Variants in FAM227B observed in about 807,000 individuals in gnomAD.
The protein encoded by FAM227B is family with sequence similarity 227 member B, also known as protein FAM227B.
FAM227B carries 88 observed loss-of-function variants against 73.8 expected under a neutral mutation model. That is an observed-to-expected ratio of 1.19 (90% CI 1.00 to 1.42). The LOEUF (loss-of-function observed/expected upper bound fraction) is 1.42. Among genes scored for constraint, FAM227B ranks in the 40% most tolerant of loss-of-function variants. FAM227B has a pLI of 0.00. For missense variants in FAM227B, 632 were observed against 590.9 expected (o/e 1.07, Z -0.72); for synonymous variants, 210 against 190.5 (o/e 1.10, Z -0.84).
At chr15:49,337,482 CA>C (rs111328995) in intron 13 of FAM227B, among the ~76,000 whole-genome samples, 1 of 141,480 alleles carries the variant, frequency 7.1e-6, no homozygotes, top group East Asian at 2.1e-4. Context: ...TGGACACTTG[CA>C]ATGTCTGTTC....
intron 2 of FAM227B, among the ~76,000 whole-genome samples, chr15:49,612,668 T>C (rs975945010): frequency 2.0e-5 from 3 of 152,154 alleles, no homozygotes; most frequent in East Asian, 3.9e-4. Flanking sequence ...AAGTCTAATA[T>C]CCTAATATCC....
At chr15:49,557,870 T>A (rs2073873882) in intron 9 of FAM227B, among the ~76,000 whole-genome samples, 1 of 152,154 alleles carries the variant, frequency 6.6e-6, no homozygotes, top group Non-Finnish European at 1.5e-5. Flanking sequence ...CCCTGAGTAG[T>A]CCAGTGCCAT....
At chr15:49,549,321 A>G (rs1337547277) in intron 9 of FAM227B, among the ~76,000 whole-genome samples, 1 of 71,784 alleles carries the variant, frequency 1.4e-5, no homozygotes, top group Non-Finnish European at 3.1e-5. Context: ...TTGCATATGT[A>G]TTTTATTTAT....
At chr15:49,524,624 G>A (rs1292002365) in intron 10 of FAM227B, among the ~76,000 whole-genome samples, 1 of 152,180 alleles carries the variant, frequency 6.6e-6, no homozygotes. Context: ...CCCCAGAATG[G>A]TAGATCCACT....
At chr15:49,370,643 A>G (rs1294541233) in intron 12 of FAM227B, among the ~76,000 whole-genome samples, 1 of 152,220 alleles carries the variant, frequency 6.6e-6, no homozygotes, top group Non-Finnish European at 1.5e-5. Context: ...TTTTAAATAA[A>G]TTATCTTATC....
Position 49,460,553 on chromosome 15 carries a change from C to G in FAM227B, c.1012+47658G>C, listed in dbSNP as rs182448546. On this transcript the variant is annotated intron_variant, in intron 11 of 15. Transcript: ENST00000299338. ...TTTTGACATTTCTTCACAGTTCAGG[C>G]GATCATTACCAAATATTCGAGGTGG... 9.2e-5 allele frequency among the ~76,000 whole-genome samples: 14 copies of G among 152,188 alleles called. No individual in the cohort carries two copies. In the East Asian group the frequency reaches 2.7e-3, roughly 29 times the overall value.
chr15:49,577,649 C>A lies in FAM227B; in HGVS notation c.421G>T (p.Glu141Ter). 1 of 1,564,716 alleles carries A rather than the reference C, an allele frequency of 6.4e-7. No individual in the cohort carries two copies. The highest frequency in any genetic ancestry group is 8.7e-7 in the Non-Finnish European group (1 of 1,147,934). ...AGTACCTCTATATTCTTCTCTGTCT[C>A]CATTTCATCTGAAAGCTGGAAAACA... is the stretch of plus-strand genomic sequence containing the variant. Reference protein sequence around the residue: ...KKKIMLSDEMETEKNIEGCSF... With the variant: ...KKKIMLSDEM Residue 141 changes from glutamate to a stop codon, truncating the protein, a stop_gained, in exon 6 of 16, where the codon GAG becomes TAG. Coordinates refer to ENST00000299338, the MANE Select transcript of FAM227B (RefSeq NM_152647.3). LOFTEE classifies it high-confidence loss of function.
intron 11 of FAM227B, among the ~76,000 whole-genome samples, chr15:49,426,531 G>T (rs11635308): frequency 0.17 from 25,896 of 151,688 alleles, 2,461 homozygotes; most frequent in Non-Finnish European, 0.21. Context: ...TCTTCAACTG[G>T]AATACATTTG....
rs200158373 is a variant in FAM227B at position 49,383,854 on chromosome 15, CAT to C, written c.1013-12457_1013-12456del. Among the ~76,000 whole-genome samples the C allele has an allele frequency of 1.8e-3, 281 of 152,176 alleles. 1 individual carries two copies. Among genetic ancestry groups the C allele is most frequent in the African/African-American group, 6.3e-3 (262 of 41,556 alleles). On this transcript the variant is annotated intron_variant, in intron 11 of 15. Transcript: ENST00000299338. ...GATAATGTGCCAGGTTGTTGAGACT[CAT>C]AATCTCACGTGCTAATGATGGGCCA...
chr15:49,562,391 T>C (rs2074329866), intron 9 of FAM227B, among the ~76,000 whole-genome samples: 2 of 151,996 alleles, frequency 1.3e-5, no homozygotes, highest in South Asian at 2.1e-4. Context: ...AAGAACCCTG[T>C]ACCAGATGGA....
intron 10 of FAM227B, 118 bp from the exon 11 acceptor site, chr15:49,508,466 T>C (rs920842586): frequency 2.4e-6 from 2 of 820,812 alleles, no homozygotes; most frequent in African/African-American, 3.6e-5. Context: ...AAAAGTTCCT[T>C]TTTTGTTCCT....
At chr15:49,366,222 T>TG (rs2045154518) in intron 13 of FAM227B, 6 of 789,104 alleles carry the variant, frequency 7.6e-6, no homozygotes, top group Non-Finnish European at 1.4e-5. Flanking sequence ...ACAGTAATGT[T>TG]ATTTCCTAGA....
chr15:49,593,896 T>C (rs991585996), intron 3 of FAM227B, among the ~76,000 whole-genome samples: 1 of 152,146 alleles, frequency 6.6e-6, no homozygotes, highest in Admixed American at 6.6e-5. Context: ...AACATGCGAG[T>C]GCAAGTGTCT....
intron 11 of FAM227B, among the ~76,000 whole-genome samples, chr15:49,465,722 TAATTA>T (rs1343673215): frequency 1.3e-5 from 2 of 152,134 alleles, no homozygotes; most frequent in African/African-American, 2.4e-5. Context: ...TGTGCTTATT[TAATTA>T]AACTCCAAAA....
chr15:49,499,097 C>T (rs1167454270), intron 11 of FAM227B, among the ~76,000 whole-genome samples: 7 of 127,546 alleles, frequency 5.5e-5, no homozygotes, highest in African/African-American at 1.2e-4. Context: ...ACCCGGGAGG[C>T]GGAGCTTGCA....
chr15:49,569,513 A>C (rs907070795), intron 8 of FAM227B, among the ~76,000 whole-genome samples: 2 of 151,904 alleles, frequency 1.3e-5, no homozygotes, highest in African/African-American at 4.8e-5. Context: ...TGAACGTATA[A>C]ATCATAATTG....
At chr15:49,502,180 C>G (rs1430343395) in intron 11 of FAM227B, among the ~76,000 whole-genome samples, 2 of 152,218 alleles carry the variant, frequency 1.3e-5, no homozygotes, top group South Asian at 2.1e-4. Context: ...TAAGAGCCCC[C>G]ACACAGAGTA....
chr15:49,335,316 C>T (rs1451207375), intron 14 of FAM227B, 103 bp downstream of exon 14: 1 of 706,366 alleles, frequency 1.4e-6, no homozygotes, highest in African/African-American at 1.8e-5. Flanking sequence ...TCAGACATGA[C>T]TCTCCTCATC....
At chr15:49,438,617 G>A (rs746536720) in intron 11 of FAM227B, among the ~76,000 whole-genome samples, 3 of 151,690 alleles carry the variant, frequency 2.0e-5, no homozygotes, top group Non-Finnish European at 1.5e-5. Context: ...GAGGGAGCAC[G>A]AGGACAAGGA....
Sources: gnomAD v4.1 joint callset for allele counts (sites outside exome capture counted in the v4.1 genomes callset) on GRCh38, gnomAD v4.1.1 for gene constraint, MANE v1.5 for transcripts, NCBI Gene and HGNC (gene_info 2026-07-23, HGNC 2026-07-21) for gene names.